Variants in AKAP13 observed in about 807,000 individuals in gnomAD.
AKAP13 encodes the protein A-kinase anchor protein 13.
In AKAP13, 80 loss-of-function variants were observed where a neutral mutation model predicts 264.5. The ratio of observed to expected loss-of-function variants is 0.30; its 90% CI spans 0.25 to 0.36. AKAP13 has a LOEUF of 0.36. Ranked by LOEUF, AKAP13 falls within the 10% of genes least tolerant of loss-of-function variation. The pLI, the probability that AKAP13 is intolerant of heterozygous loss-of-function variation, is 1.00. For missense variants in AKAP13, 3,712 were observed against 3,435.2 expected, an observed-to-expected ratio of 1.08 and a Z score of -2.01; for synonymous variants, 1,380 against 1,250.2, an observed-to-expected ratio of 1.10 and a Z score of -2.19.
At chr15:85,676,723 G>A (rs751595438) in intron 14 of AKAP13, among the ~76,000 whole-genome samples, 97 of 152,160 alleles carry the variant, frequency 6.4e-4, no homozygotes, top group Non-Finnish European at 1.3e-4. Flanking sequence ...AGAACCCCAG[G>A]TATGAATTGT....
chr15:85,595,692 T>TA (rs1384784771), intron 8 of AKAP13, among the ~76,000 whole-genome samples: 2 of 152,208 alleles, frequency 1.3e-5, no homozygotes, highest in Admixed American at 6.5e-5. Context: ...GAGCCATTGA[T>TA]ATGCTTTCCA....
intron 6 of AKAP13, chr15:85,577,859 G>A (rs988833263): frequency 3.1e-6 from 3 of 981,234 alleles, no homozygotes; most frequent in Non-Finnish European, 3.6e-6. Flanking sequence ...GGGATTAAAG[G>A]ACACTGAACT....
At chr15:85,565,712 C>G (rs1255706943) in intron 5 of AKAP13, among the ~76,000 whole-genome samples, 1 of 152,164 alleles carries the variant, frequency 6.6e-6, no homozygotes, top group Non-Finnish European at 1.5e-5. Flanking sequence ...TTCAGATACA[C>G]CTAGGATTCT....
At position 85,741,313 on chromosome 15, in the gene AKAP13, G is replaced by A; in HGVS notation, c.7876G>A (p.Val2626Met). The A allele has an allele frequency of 6.2e-7, 1 of 1,612,878 alleles. No individual in the cohort carries two copies. Among genetic ancestry groups the A allele is most frequent in the African/African-American group, 1.3e-5 (1 of 75,042 alleles). The change falls in exon 35 of 37, where the codon GTG (valine) becomes ATG (methionine). Residue 2626 changes from valine (V) to methionine (M), a missense_variant. By Grantham distance (21) the Val-to-Met change is conservative (BLOSUM62 1). Transcript: ENST00000394518. ...EALLAQREEE[V>M]QQGQQDLEKE... ...CCTCCTGGCCCAGCGCGAGGAGGAG[G>A]TGCAGCAGGGGCAGCAGGACCTGGA...
At chr15:85,433,865 C>G (rs1173768326) in intron 1 of AKAP13, among the ~76,000 whole-genome samples, 2 of 151,806 alleles carry the variant, frequency 1.3e-5, no homozygotes, top group Non-Finnish European at 2.9e-5. Context: ...CACTTGAACC[C>G]GGGAGTTGGA....
chr15:85,591,659 C>T (rs1034641346), intron 8 of AKAP13, among the ~76,000 whole-genome samples: 54 of 151,490 alleles, frequency 3.6e-4, no homozygotes, highest in Admixed American at 5.3e-4. Flanking sequence ...AAAAGAGGGC[C>T]GTCTGACACC....
chr15:85,689,062 A>C (rs2085111155), intron 16 of AKAP13, among the ~76,000 whole-genome samples: 2 of 152,226 alleles, frequency 1.3e-5, no homozygotes, highest in Non-Finnish European at 2.9e-5. Flanking sequence ...CACCAACCTA[A>C]TACTAAGCTT....
chr15:85,650,782 A>C (rs1051949562), intron 10 of AKAP13, among the ~76,000 whole-genome samples: 2 of 145,176 alleles, frequency 1.4e-5, no homozygotes, highest in African/African-American at 2.5e-5. Flanking sequence ...AAAAAAAAAA[A>C]AAAAAAAACA....
In AKAP13 at chr15:85,521,430, T is replaced by G. The variant is rs1278066271; in HGVS notation, c.36T>G (p.Gly12=). 6.2e-7 allele frequency: 1 copy of G among 1,613,814 alleles called. No homozygotes were observed. Among genetic ancestry groups the G allele is most frequent in the East Asian group, 2.2e-5 (1 of 44,860 alleles). The part of the protein sequence containing the change: ...KLNPQQAPLY[G]DCVVTVLLAE... The stretch of plus-strand genomic sequence containing the variant: ...TGCTATATTGTTTCCTTTCCTAGGG[T>G]GATTGTGTTGTTACAGTGCTGCTTG... Residue 12 remains glycine (G), a splice_region_variant and synonymous_variant, in exon 3 of 37, where the codon GGT becomes GGG. Transcript: ENST00000394518.
chr15:85,589,847 A>G (rs2079518079), intron 8 of AKAP13, among the ~76,000 whole-genome samples: 1 of 152,112 alleles, frequency 6.6e-6, no homozygotes. Flanking sequence ...AAAAAGAAGC[A>G]AGCAGATTTC....
At chr15:85,439,601 A>G (rs1368164592) in intron 1 of AKAP13, among the ~76,000 whole-genome samples, 1 of 144,816 alleles carries the variant, frequency 6.9e-6, no homozygotes, top group African/African-American at 2.6e-5. Context: ...CTGGATTAAG[A>G]AAATGTGGCA....
intron 20 of AKAP13, 200 bp from the exon 21 acceptor site, chr15:85,717,090 C>G (rs115879451): frequency 8.0e-6 from 4 of 501,176 alleles, no homozygotes; most frequent in Non-Finnish European, 1.4e-5. Context: ...GAATTTGAGT[C>G]TCCAGTGATA....
intron 14 of AKAP13, among the ~76,000 whole-genome samples, chr15:85,675,583 A>G (rs1449846024): frequency 6.6e-6 from 1 of 152,202 alleles, no homozygotes; most frequent in African/African-American, 2.4e-5. Context: ...ACTCACAGGT[A>G]GGGTTCCTTT....
intron 12 of AKAP13, among the ~76,000 whole-genome samples, chr15:85,661,902 G>GAAAAA (rs57846021): frequency 7.3e-6 from 1 of 136,648 alleles, no homozygotes; most frequent in Non-Finnish European, 1.6e-5. Context: ...GGAAACACAT[G>GAAAAA]AAAAAAAAAA....
rs763529937 is a variant in AKAP13, at chr15:85,416,835, T to TA, written c.-12+36040dup. On this transcript the variant is annotated intron_variant, in intron 1 of 36. Coordinates refer to ENST00000394518, the MANE Select transcript of AKAP13 (RefSeq NM_007200.5). ...TTCATTTCTCCTTTTCCCTGCCCAT[T>TA]AAAGGTAGCAAATTTTGGAGGTTCT... Among the ~76,000 whole-genome samples the TA allele has an allele frequency of 1.4e-4, 21 of 152,314 alleles. No homozygotes were observed. In the East Asian group the frequency reaches 3.5e-3, roughly 25 times the overall value.
intron 1 of AKAP13, among the ~76,000 whole-genome samples, chr15:85,451,109 G>A (rs2074073943): frequency 6.6e-6 from 1 of 152,152 alleles, no homozygotes; most frequent in South Asian, 2.1e-4. Context: ...ATTATCCCAT[G>A]CCCTTCCTTG....
At chr15:85,453,125 G>C (rs1596229106) in intron 1 of AKAP13, among the ~76,000 whole-genome samples, 1 of 152,190 alleles carries the variant, frequency 6.6e-6, no homozygotes, top group Admixed American at 6.5e-5. Context: ...ACTGCAGCTT[G>C]TTGGAGTGTG....
At chr15:85,490,062 A>G (rs2075680872) in intron 2 of AKAP13, among the ~76,000 whole-genome samples, 1 of 152,208 alleles carries the variant, frequency 6.6e-6, no homozygotes, top group South Asian at 2.1e-4. Context: ...TTATTGCCAG[A>G]TGAATTCATA....
chr15:85,506,097 G>C lies in AKAP13; in HGVS notation c.34-15331G>C, dbSNP rs1316481476. The stretch of plus-strand genomic sequence containing the variant: ...GGATCACTTGAGGTCAGGAGTTCAA[G>C]ACCAGTCTGGCCAACATGGTGAAAC... On this transcript the variant is annotated intron_variant, in intron 2 of 36. Coordinates refer to ENST00000394518, the MANE Select transcript of AKAP13 (RefSeq NM_007200.5). Among the ~76,000 whole-genome samples, 4 of 152,280 alleles carry C rather than the reference G, an allele frequency of 2.6e-5. No homozygotes were observed. The South Asian group carries it at 8.3e-4, about 32-fold the overall frequency.
Sources: allele counts gnomAD v4.1 joint callset (sites outside exome capture counted in the v4.1 genomes callset), GRCh38; gene constraint gnomAD v4.1.1; transcripts MANE v1.5; gene names NCBI Gene and HGNC (gene_info 2026-07-23, HGNC 2026-07-21).